The following KMT2D variants were observed in gnomAD, a reference collection of about 807,000 sequenced individuals.
KMT2D encodes histone-lysine N-methyltransferase 2D.
Under a neutral mutation model 512.7 loss-of-function variants are expected in KMT2D, and 55 were observed. That is an observed-to-expected ratio of 0.11 (90% CI 0.09 to 0.13). The LOEUF (loss-of-function observed/expected upper bound fraction) is 0.13, where lower values mean the gene tolerates loss of function less well. KMT2D is among the 10% of genes least tolerant of loss of function. The pLI is 1.00. For synonymous variants in KMT2D, 2,995 were observed against 2,904.0 expected (o/e 1.03, Z -1.01); for missense variants, 6,061 against 7,127.9 (o/e 0.85, Z 5.39).
Position 49,040,999 on chromosome 12 carries a change from C to A in KMT2D, c.6771G>T (p.Val2257=), listed in dbSNP as rs2120539575. The A allele has an allele frequency of 6.3e-7, 1 of 1,598,146 alleles. No individual in the cohort carries two copies. Among genetic ancestry groups the A allele is most frequent in the South Asian group, 1.1e-5 (1 of 89,566 alleles). ...PRCPSLDNLA[V]PESPGVGGGK... ...CTCCCCCTACCCCAGGGCTCTCAGGCACAGCCAAGTTATCCAGCGAGGGGC... is the reference window on the plus strand; with the variant it reads ...CTCCCCCTACCCCAGGGCTCTCAGGAACAGCCAAGTTATCCAGCGAGGGGC... Residue 2257 remains valine (V), a synonymous_variant, in exon 32 of 55, where the codon GTG becomes GTT. Transcript: ENST00000301067.
chr12:49,040,408 G>C lies in KMT2D; in HGVS notation c.7362C>G (p.Pro2454=), dbSNP rs202191829. ...FQSPDPYSRP[P]SRPQSRDPFA... is the part of the protein sequence containing the mutation. The stretch of plus-strand genomic sequence containing the variant: ...ATGGGTCACGGGACTGAGGGCGTGA[G>C]GGTGGGCGAGAATAAGGGTCAGGGG... The change falls in exon 32 of 55, where the codon CCC becomes CCG. Residue 2454 remains proline, a synonymous_variant. Transcript: ENST00000301067. 1.7e-5 allele frequency: 27 copies of C among 1,562,712 alleles called. No homozygotes were observed. The highest frequency in any genetic ancestry group is 2.2e-5 in the Non-Finnish European group (25 of 1,153,528).
Position 49,051,363 on chromosome 12 carries a change from G to C in KMT2D, c.2320C>G (p.Pro774Ala), listed in dbSNP as rs1385773562. The change falls in exon 11 of 55, where the codon CCT becomes GCT. Residue 774 changes from proline (P) to alanine (A), a missense_variant. By Grantham distance (27) the Pro-to-Ala change is conservative (BLOSUM62 -1). This residue lies in a region of KMT2D where 848 missense variants were observed against 838.5 expected (regional missense o/e 1.01). Transcript: ENST00000301067. ...ACAGCGCATAGGCATGGCTCCTCAG[G>C]CTGGGGGGACAGGTGTGGCTCCTCA... ...QAEEPHLSPQ[P>A]EEPCLCAVPE... 1.2e-6 allele frequency: 2 copies of C among 1,608,386 alleles called. No homozygotes were observed. The highest frequency in any genetic ancestry group is 1.7e-6 in the Non-Finnish European group (2 of 1,177,114).
rs577302767 is a variant in KMT2D at position 49,038,197 on chromosome 12, A to G, written c.9159T>C (p.Thr3053=). 1 of 1,613,880 alleles carries G rather than the reference A, an allele frequency of 6.2e-7. No homozygotes were observed. Among genetic ancestry groups the G allele is most frequent in the East Asian group, 2.2e-5 (1 of 44,884 alleles). ...NGDEFDLLAY[T]DPELDTGDKK... is the part of the protein sequence containing the mutation. ...TGTCCCCAGTGTCCAGCTCAGGATC[A>G]GTATATGCCAGCAGGTCAAACTCGT... is the stretch of plus-strand genomic sequence containing the variant. The change falls in exon 35 of 55, where the codon ACT becomes ACC. Residue 3053 remains threonine, a synonymous_variant. Transcript: ENST00000301067. The surrounding 1 kb of genome is among the most constrained non-coding windows in gnomAD (Gnocchi z 5.7).
In KMT2D at chr12:49,054,271, G is replaced by A. The variant is rs2120706533; in HGVS notation, c.510+36C>T. ...TGACTCTCAGAAGCCCACCAGCCCT[G>A]CCCTTCACCTATGCAATCCCCTGGC... is the stretch of plus-strand genomic sequence containing the variant. On this transcript the variant is annotated intron_variant, in intron 5 of 54. Transcript: ENST00000301067. The surrounding 1 kb of genome is among the most constrained non-coding windows in gnomAD (Gnocchi z 6.4). 1.9e-6 allele frequency: 3 copies of A among 1,552,590 alleles called. No homozygotes were observed. Among genetic ancestry groups the A allele is most frequent in the Non-Finnish European group, 2.6e-6 (3 of 1,144,914 alleles).
Position 49,044,470 on chromosome 12 carries a change from A to G in KMT2D, c.5016T>C (p.Pro1672=), listed in dbSNP as rs114731584. 1.5e-3 allele frequency: 2,345 copies of G among 1,613,846 alleles called. 36 individuals are homozygous for G. The African/African-American group carries it at 0.027, about 18-fold the overall frequency. Residue 1672 remains proline (P), a synonymous_variant, in exon 21 of 55, where the codon CCT becomes CCC. Coordinates refer to ENST00000301067, the MANE Select transcript of KMT2D (RefSeq NM_003482.4). The surrounding 1 kb of genome is among the most constrained non-coding windows in gnomAD (Gnocchi z 6.4). ...TCTCCTCTTTGCCAGGCTCCACATC[A>G]GGGCTGACGGGGCCCTCCAGTTTAA... The part of the protein sequence containing the change: ...CEIKLEGPVS[P]DVEPGKEETE...
intron 19 of KMT2D, 62 bp from the exon 20 acceptor site, chr12:49,045,027 A>G: frequency 6.8e-7 from 1 of 1,476,730 alleles, no homozygotes; most frequent in South Asian, 1.1e-5. Flanking sequence ...CAGAACTGCA[A>G]GTTTCAACCT....
At position 49,044,337 on chromosome 12, in the gene KMT2D, G is replaced by T. The variant is rs761427404; in HGVS notation, c.5084-33C>A. 2 of 1,613,508 alleles carry T rather than the reference G, an allele frequency of 1.2e-6. No individual in the cohort carries two copies. Among genetic ancestry groups the T allele is most frequent in the African/African-American group, 1.3e-5 (1 of 74,884 alleles). On this transcript the variant is annotated intron_variant, in intron 21 of 54. Coordinates refer to ENST00000301067, the MANE Select transcript of KMT2D (RefSeq NM_003482.4). This position sits in a 1 kb window ranked among gnomAD's most constrained non-coding sequence, Gnocchi z 6.4. Reference sequence around the variant, plus strand: ...GAGGCAGAGTTGTGGATGAGAAGCCGCTGGGGGACCTATTGAGCTGCCCCG... The same window carrying T: ...GAGGCAGAGTTGTGGATGAGAAGCCTCTGGGGGACCTATTGAGCTGCCCCG...
At position 49,032,886 on chromosome 12, in the gene KMT2D, AGCTGCTGCT is replaced by A. The variant is rs1399512864; in HGVS notation, c.11810_11818del (p.Gln3937_Gln3939del). On this transcript the variant is annotated inframe_deletion, in exon 40 of 55. Coordinates refer to ENST00000301067, the MANE Select transcript of KMT2D (RefSeq NM_003482.4). ...AAGCTGTTGCTGCTGCTGTTGTTGAAGCTGCTGCTGCTGTTGCTGCTGTTGAAGCTGTTG... is the reference window on the plus strand; with the variant it reads ...AAGCTGTTGCTGCTGCTGTTGTTGAAGCTGTTGCTGCTGTTGAAGCTGTTG... 4 of 1,548,266 alleles carry A rather than the reference AGCTGCTGCT, an allele frequency of 2.6e-6. No homozygotes were observed. Among genetic ancestry groups the A allele is most frequent in the African/African-American group, 2.8e-5 (2 of 72,344 alleles).
In KMT2D at chr12:49,032,830, G is replaced by T. The variant is rs587778473; in HGVS notation, c.11875C>A (p.Gln3959Lys). ...TGAAACTGCTGCTGTTGTTGTTGCT[G>T]TTGCTGTTGTAGCTGCTGTTGCTGC... ...QQQQQQLQQQQQQQQQQFQQQ... is the reference protein window; with the variant it reads ...QQQQQQLQQQKQQQQQQFQQQ... The change falls in exon 40 of 55, where the codon CAG becomes AAG. Residue 3959 changes from glutamine to lysine, a missense_variant. Transcript: ENST00000301067. The T allele has an allele frequency of 3.2e-5, 49 of 1,550,710 alleles. No homozygotes were observed. Among genetic ancestry groups the T allele is most frequent in the Non-Finnish European group, 4.0e-5 (46 of 1,147,022 alleles).
Position 49,037,645 on chromosome 12 carries a change from C to A in KMT2D, c.9711G>T (p.Glu3237Asp). The A allele has an allele frequency of 6.4e-7, 1 of 1,574,578 alleles. No individual in the cohort carries two copies. Among genetic ancestry groups the A allele is most frequent in the East Asian group, 2.3e-5 (1 of 42,632 alleles). Residue 3237 changes from glutamate to aspartate, a missense_variant, in exon 35 of 55, where the codon GAG (glutamate) becomes GAT (aspartate). Physicochemically the swap from Glu to Asp is conservative, Grantham distance 45. This residue lies in a region of KMT2D where 533 missense variants were observed against 539.6 expected (regional missense o/e 0.99). Coordinates refer to ENST00000301067, the MANE Select transcript of KMT2D (RefSeq NM_003482.4). ...AASGDELDKM[E>D]SSLVASELPL... is the part of the protein sequence containing the mutation. ...GTAACTCGCTGGCTACCAGTGAGCTCTCCATCTTGTCTAGCTCATCCCCAG... is the reference window on the plus strand; with the variant it reads ...GTAACTCGCTGGCTACCAGTGAGCTATCCATCTTGTCTAGCTCATCCCCAG...
rs547593170 is a variant in KMT2D at position 49,040,402 on chromosome 12, G to A, written c.7368C>T (p.Arg2456=). The change falls in exon 32 of 55, where the codon CGC becomes CGT. Residue 2456 remains arginine (R), a synonymous_variant. Coordinates refer to ENST00000301067, the MANE Select transcript of KMT2D (RefSeq NM_003482.4). ...GGGCAAATGGGTCACGGGACTGAGG[G>A]CGTGAGGGTGGGCGAGAATAAGGGT... is the stretch of plus-strand genomic sequence containing the variant. ...SPDPYSRPPS[R]PQSRDPFAPL... is the part of the protein sequence containing the mutation. 2.6e-6 allele frequency: 4 copies of A among 1,564,032 alleles called. No homozygotes were observed. The African/African-American group carries it at 5.4e-5, about 21-fold the overall frequency.
At position 49,041,472 on chromosome 12, in the gene KMT2D, G is replaced by A. The variant is rs1943527841; in HGVS notation, c.6298C>T (p.Pro2100Ser). The A allele has an allele frequency of 3.7e-6, 6 of 1,613,500 alleles. No individual in the cohort carries two copies. The East Asian group carries it at 6.7e-5, about 18-fold the overall frequency. ...VGDIARKTDR[P>S]ALHLRIPPQP... ...GGGGGAATGCGGAGATGTAGGGCCG[G>A]TCGGTCAGTCTTACGGGCTATGTCG... The change falls in exon 32 of 55, where the codon CCG becomes TCG. Residue 2100 changes from proline to serine, a missense_variant. By Grantham distance (74) the Pro-to-Ser change is moderately conservative. Coordinates refer to ENST00000301067, the MANE Select transcript of KMT2D (RefSeq NM_003482.4). This position sits in a 1 kb window ranked among gnomAD's most constrained non-coding sequence, Gnocchi z 5.4.
In KMT2D at chr12:49,034,309, G is replaced by A. The variant is rs2120455552; in HGVS notation, c.10508-10C>T. The A allele has an allele frequency of 6.2e-7, 1 of 1,611,518 alleles. No individual in the cohort carries two copies. The highest frequency in any genetic ancestry group is 1.3e-5 in the African/African-American group (1 of 74,962). ...CGCTGGTCAGCTTCATCTGGGAAAA[G>A]AAGCTGGGTGTCAGGACCTGCAAAA... is the stretch of plus-strand genomic sequence containing the variant. On this transcript the variant is annotated splice_polypyrimidine_tract_variant and intron_variant, in intron 38 of 54. Coordinates refer to ENST00000301067, the MANE Select transcript of KMT2D (RefSeq NM_003482.4).
intron 43 of KMT2D, among the ~76,000 whole-genome samples, 196 bp from the exon 44 acceptor site, chr12:49,029,672 T>C (rs1016488292): frequency 1.0e-4 from 12 of 119,840 alleles, no homozygotes; most frequent in African/African-American, 3.8e-4. Flanking sequence ...TTTTTTGTTT[T>C]TTTTGTTTTT....
Position 49,048,700 on chromosome 12 carries a change from C to T in KMT2D, c.4090G>A (p.Val1364Met), listed in dbSNP as rs375317924. The change falls in exon 14 of 55, where the codon GTG (valine) becomes ATG (methionine). Residue 1364 changes from valine (V) to methionine (M), a missense_variant. Val to Met is a conservative substitution (Grantham distance 21). Around this residue, in one of 16 missense-constraint regions of KMT2D, gnomAD observed 53 missense variants for 148.3 expected, o/e 0.36. Transcript: ENST00000301067. Reference sequence around the variant, plus strand: ...TTGTCTGTGTTGGAGAAGAGAACCACGGTATTCTGCATGGTGTCATCATCT... The same window carrying T: ...TTGTCTGTGTTGGAGAAGAGAACCATGGTATTCTGCATGGTGTCATCATCT... The part of the protein sequence containing the change: ...EEDDDTMQNT[V>M]VLFSNTDKFV... 4 of 1,613,766 alleles carry T rather than the reference C, an allele frequency of 2.5e-6. No homozygotes were observed. Among genetic ancestry groups the T allele is most frequent in the Admixed American group, 1.7e-5 (1 of 60,016 alleles).
In KMT2D at chr12:49,039,776, T is replaced by C. The variant is rs895906051; in HGVS notation, c.7994A>G (p.Gln2665Arg). ...GCTAAGGCCGGACATGCCTGGGTCC[T>C]GGGTACCTGGGAGTTCAGCTGTCGC... ...SLATAELPGT[Q>R]DPGMSGLSQT... Residue 2665 changes from glutamine to arginine, a missense_variant, in exon 32 of 55, where the codon CAG becomes CGG. Around this residue, in one of 16 missense-constraint regions of KMT2D, gnomAD observed 527 missense variants for 578.9 expected, o/e 0.91. Transcript: ENST00000301067. This position sits in a 1 kb window ranked among gnomAD's most constrained non-coding sequence, Gnocchi z 5.0. 2 of 1,613,804 alleles carry C rather than the reference T, an allele frequency of 1.2e-6. No homozygotes were observed. The highest frequency in any genetic ancestry group is 2.7e-5 in the African/African-American group (2 of 74,936).
At position 49,048,058 on chromosome 12, in the gene KMT2D, C is replaced by T. The variant is rs398123745; in HGVS notation, c.4143G>A (p.Val1381=). 212 of 1,604,972 alleles carry T rather than the reference C, an allele frequency of 1.3e-4. No individual in the cohort carries two copies. The Admixed American group carries it at 3.5e-3, about 26-fold the overall frequency. ...CCCCCCGGCCAAAGCTGCCACATACCACACACATGTCCTGGGGAAACACAG... is the reference window on the plus strand; with the variant it reads ...CCCCCCGGCCAAAGCTGCCACATACTACACACATGTCCTGGGGAAACACAG... ...DKFVLMQDMC[V]VCGSFGRGAE... Residue 1381 remains valine (V), a synonymous_variant, in exon 15 of 55, where the codon GTG becomes GTA. Transcript: ENST00000301067.
At chr12:49,048,625 A>G (rs780733322) in intron 14 of KMT2D, 34 bp downstream of exon 14, 1 of 1,378,084 alleles carries the variant, frequency 7.3e-7, no homozygotes, top group Non-Finnish European at 1.0e-6. Context: ...ACACATACAC[A>G]ATGTTCAGTG....
rs781460096 is a variant in KMT2D at position 49,040,987 on chromosome 12, A to G, written c.6783T>C (p.Pro2261=). 3.7e-6 allele frequency: 6 copies of G among 1,603,672 alleles called. No homozygotes were observed. In the South Asian group the frequency reaches 5.5e-5, roughly 15 times the overall value. The change falls in exon 32 of 55, where the codon CCT becomes CCC. Residue 2261 remains proline, a synonymous_variant. Coordinates refer to ENST00000301067, the MANE Select transcript of KMT2D (RefSeq NM_003482.4). The part of the protein sequence containing the change: ...SLDNLAVPES[P]GVGGGKASEP... ...CGGAAGCTTTGCCTCCCCCTACCCC[A>G]GGGCTCTCAGGCACAGCCAAGTTAT...
Sources: gnomAD v4.1 joint callset for allele counts (sites outside exome capture counted in the v4.1 genomes callset) on GRCh38, gnomAD v4.1.1 for gene constraint, gnomAD v4.1.1 regional missense constraint, Gnocchi (gnomAD v3.1) non-coding constraint, MANE v1.5 for transcripts, NCBI Gene and HGNC (gene_info 2026-07-23, HGNC 2026-07-21) for gene names.